GALNTL6: variants seen among roughly 807,000 people sequenced by gnomAD.
The protein encoded by GALNTL6 is polypeptide N-acetylgalactosaminyltransferase like 6.
GALNTL6 carries 46 observed loss-of-function variants against 73.7 expected under a neutral mutation model. The ratio of observed to expected loss-of-function variants is 0.62; its 90% CI spans 0.49 to 0.80. The LOEUF (loss-of-function observed/expected upper bound fraction) is 0.80. Among genes scored for constraint, GALNTL6 ranks in the 30% least tolerant of loss-of-function variants. The pLI is 0.00. For synonymous variants in GALNTL6, 259 were observed against 263.7 expected (o/e 0.98, Z 0.17); for missense variants, 604 against 755.0 (o/e 0.80, Z 2.34).
intron 7 of GALNTL6, among the ~76,000 whole-genome samples, chr4:172,877,216 C>T (rs944011051): frequency 6.6e-6 from 1 of 151,832 alleles, no homozygotes; most frequent in African/African-American, 2.4e-5. Flanking sequence ...ATTCTGACCC[C>T]CAAAGATTAT....
chr4:172,247,200 T>C (rs1737691502), intron 3 of GALNTL6, among the ~76,000 whole-genome samples: 1 of 152,158 alleles, frequency 6.6e-6, no homozygotes, highest in African/African-American at 2.4e-5. Context: ...ATTATTTTAC[T>C]CTGGCTGCTG....
At chr4:172,400,653 AGAAGT>A (rs1201613968) in intron 5 of GALNTL6, among the ~76,000 whole-genome samples, 17 of 152,224 alleles carry the variant, frequency 1.1e-4, no homozygotes, top group Admixed American at 1.1e-3. Flanking sequence ...GAGGAGCAGG[AGAAGT>A]GAAGTCATGG....
intron 2 of GALNTL6, among the ~76,000 whole-genome samples, chr4:172,054,598 G>T (rs74560549): frequency 2.0e-5 from 3 of 152,086 alleles, no homozygotes; most frequent in Non-Finnish European, 4.4e-5. Flanking sequence ...TTTTATAAGG[G>T]TATTAATCTT....
intron 3 of GALNTL6, among the ~76,000 whole-genome samples, chr4:172,242,907 A>T (rs936365398): frequency 6.6e-6 from 1 of 152,220 alleles, no homozygotes; most frequent in Non-Finnish European, 1.5e-5. Context: ...CTCTTAACTG[A>T]TCTTGCTCCA....
intron 4 of GALNTL6, among the ~76,000 whole-genome samples, chr4:172,332,668 G>A (rs1340070060): frequency 1.3e-5 from 2 of 151,804 alleles, no homozygotes; most frequent in Admixed American, 1.3e-4. Context: ...ATTTCATTGT[G>A]TATATATACT....
intron 4 of GALNTL6, among the ~76,000 whole-genome samples, chr4:172,316,387 A>T (rs1740541938): frequency 1.3e-5 from 2 of 152,236 alleles, no homozygotes; most frequent in Admixed American, 1.3e-4. Flanking sequence ...GGGATATTTT[A>T]AAATTAATAT....
intron 5 of GALNTL6, among the ~76,000 whole-genome samples, chr4:172,536,234 G>A (rs1003131394): frequency 6.6e-5 from 10 of 152,070 alleles, no homozygotes; most frequent in African/African-American, 2.4e-4. Flanking sequence ...TGTTCTTATA[G>A]CAGCATGAGA....
intron 5 of GALNTL6, among the ~76,000 whole-genome samples, chr4:172,415,589 A>C (rs893781979): frequency 6.6e-6 from 1 of 152,148 alleles, no homozygotes; most frequent in Admixed American, 6.5e-5. Context: ...TGTCTTTGCC[A>C]TGTAGCAGGA....
At chr4:172,484,492 G>A (rs569331808) in intron 5 of GALNTL6, among the ~76,000 whole-genome samples, 3 of 151,164 alleles carry the variant, frequency 2.0e-5, no homozygotes, top group African/African-American at 4.9e-5. Context: ...TGTTGATTCC[G>A]ACTGAAAGCG....
chr4:171,883,078 C>A (rs1341125064), intron 2 of GALNTL6, among the ~76,000 whole-genome samples: 2 of 152,120 alleles, frequency 1.3e-5, no homozygotes, highest in Non-Finnish European at 2.9e-5. Flanking sequence ...TGGCTGGGCA[C>A]AGTGGCTCAC....
chr4:172,634,576 T>G (rs1739564996), intron 5 of GALNTL6, among the ~76,000 whole-genome samples: 1 of 152,106 alleles, frequency 6.6e-6, no homozygotes, highest in African/African-American at 2.4e-5. Flanking sequence ...CATGCAAGAA[T>G]GAAATTATAT....
At chr4:172,773,733 AAT>A (rs1738909387) in intron 5 of GALNTL6, among the ~76,000 whole-genome samples, 2 of 152,220 alleles carry the variant, frequency 1.3e-5, no homozygotes, top group African/African-American at 4.8e-5. Flanking sequence ...GGTTCAAAGA[AAT>A]AGTTTAAGTT....
intron 2 of GALNTL6, among the ~76,000 whole-genome samples, chr4:171,887,307 A>G (rs1190219662): frequency 6.6e-6 from 1 of 152,200 alleles, no homozygotes; most frequent in African/African-American, 2.4e-5. Context: ...AAACCATAGC[A>G]GTTGGGATAC....
At chr4:172,095,833 C>T (rs934143034) in intron 2 of GALNTL6, among the ~76,000 whole-genome samples, 4 of 151,342 alleles carry the variant, frequency 2.6e-5, no homozygotes, top group Non-Finnish European at 4.4e-5. Flanking sequence ...ATTTTCCCCA[C>T]CTAGAATTAT....
At chr4:172,467,495 A>C (rs1333936582) in intron 5 of GALNTL6, among the ~76,000 whole-genome samples, 2 of 152,164 alleles carry the variant, frequency 1.3e-5, no homozygotes, top group African/African-American at 4.8e-5. Context: ...GGAGTCGCTC[A>C]TCCTCCAGCA....
chr4:171,990,825 G>A (rs1196259855), intron 2 of GALNTL6, among the ~76,000 whole-genome samples: 1 of 152,128 alleles, frequency 6.6e-6, no homozygotes, highest in Non-Finnish European at 1.5e-5. Flanking sequence ...GATATCTACT[G>A]GAAATTTGAA....
chr4:173,025,631 A>C (rs1487977153), intron 12 of GALNTL6, among the ~76,000 whole-genome samples: 1 of 152,130 alleles, frequency 6.6e-6, no homozygotes, highest in Non-Finnish European at 1.5e-5. Context: ...AAACCTGGTC[A>C]TGGTATTCCT....
intron 5 of GALNTL6, among the ~76,000 whole-genome samples, chr4:172,729,575 T>G (rs909194775): frequency 2.6e-5 from 4 of 152,214 alleles, no homozygotes; most frequent in African/African-American, 7.2e-5. Flanking sequence ...GATTCTCTAT[T>G]CTGTTCCATT....
At chr4:172,788,005 T>C (rs1579482270) in intron 5 of GALNTL6, among the ~76,000 whole-genome samples, 2 of 152,216 alleles carry the variant, frequency 1.3e-5, no homozygotes, top group East Asian at 3.8e-4. Flanking sequence ...GAAATATTTT[T>C]ATTAGTTTAT....
Sources: allele counts gnomAD v4.1 joint callset (sites outside exome capture counted in the v4.1 genomes callset), GRCh38; gene constraint gnomAD v4.1.1; transcripts MANE v1.5; gene names NCBI Gene and HGNC (gene_info 2026-07-23, HGNC 2026-07-21).